The following NIPBL variants were observed in gnomAD, a reference collection of about 807,000 sequenced individuals.
NIPBL encodes the protein nipped-B-like protein.
NIPBL carries 19 observed loss-of-function variants against 321.8 expected under a neutral mutation model. The ratio of observed to expected loss-of-function variants is 0.06; its 90% CI spans 0.04 to 0.09. NIPBL has a LOEUF of 0.09. Ranked by LOEUF, NIPBL falls within the 10% of genes least tolerant of loss-of-function variation. The probability of loss-of-function intolerance (pLI) is 1.00; values close to 1 mark genes in which losing one functional copy is unlikely to be tolerated. For synonymous variants in NIPBL, 1,106 were observed against 1,114.1 expected, an observed-to-expected ratio of 0.99 and a Z score of 0.14; for missense variants, 2,210 against 3,327.0, an observed-to-expected ratio of 0.66 and a Z score of 8.26.
chr5:36,904,191 C>G (rs1336637661), intron 1 of NIPBL, among the ~76,000 whole-genome samples: 3 of 152,168 alleles, frequency 2.0e-5, no homozygotes, highest in African/African-American at 7.2e-5. Flanking sequence ...AAAAACTGGG[C>G]CGGGTGCGGT....
rs1740645082 is a variant in NIPBL at position 36,953,677 on chromosome 5, C to T, written c.-20C>T. 1 of 1,611,376 alleles carries T rather than the reference C, an allele frequency of 6.2e-7. No individual in the cohort carries two copies. The highest frequency in any genetic ancestry group is 1.3e-5 in the African/African-American group (1 of 74,866). On this transcript the variant is annotated 5_prime_UTR_variant, in exon 2 of 47. Coordinates refer to ENST00000282516, the MANE Select transcript of NIPBL (RefSeq NM_133433.4). ...CTGAACTAAGTACTTTTATAGGCAA[C>T]ACCATTCCAGAAATTCAGGATGAAT...
intron 1 of NIPBL, among the ~76,000 whole-genome samples, chr5:36,882,316 GTAT>G (rs1239997924): frequency 6.6e-6 from 1 of 151,832 alleles, no homozygotes; most frequent in Non-Finnish European, 1.5e-5. Context: ...GTAATATGTA[GTAT>G]TATTGAATGT....
Position 36,976,220 on chromosome 5 carries a change from A to C in NIPBL, c.1313A>C (p.Gln438Pro). The stretch of plus-strand genomic sequence containing the variant: ...CCAGCAAATCAAGTGCCTGTTTTAC[A>C]ACAGAACACTTCAGTTGCTGCAAAA... ...FLPANQVPVL[Q>P]QNTSVAAKQP... Residue 438 changes from glutamine (Q) to proline (P), a missense_variant, in exon 9 of 47, where the codon CAA becomes CCA. Transcript: ENST00000282516. The C allele has an allele frequency of 1.9e-6, 3 of 1,613,676 alleles. No individual in the cohort carries two copies. Among genetic ancestry groups the C allele is most frequent in the Non-Finnish European group, 2.5e-6 (3 of 1,179,818 alleles).
intron 40 of NIPBL, chr5:37,051,490 A>G: frequency 2.3e-6 from 1 of 436,920 alleles, no homozygotes; most frequent in South Asian, 2.9e-5. Flanking sequence ...ATAATCTTAA[A>G]TAGATATTCT....
intron 1 of NIPBL, among the ~76,000 whole-genome samples, chr5:36,943,060 G>A (rs947210426): frequency 7.3e-5 from 11 of 151,720 alleles, no homozygotes; most frequent in Non-Finnish European, 1.2e-4. Flanking sequence ...AATTTTTGTT[G>A]TATTTTTTAT....
intron 44 of NIPBL, among the ~76,000 whole-genome samples, chr5:37,059,987 G>A (rs567328721): frequency 6.6e-6 from 1 of 152,264 alleles, no homozygotes; most frequent in Non-Finnish European, 1.5e-5. Context: ...TCTAAGATTA[G>A]GAATCACAAA....
In NIPBL at chr5:37,007,854, CAG is replaced by C. The variant is rs540418089; in HGVS notation, c.4240-150_4240-149del. Among the ~76,000 whole-genome samples the C allele has an allele frequency of 1.8e-3, 277 of 151,970 alleles. 1 individual carries two copies. Among genetic ancestry groups the C allele is most frequent in the Middle Eastern group, 0.01 (3 of 294 alleles). On this transcript the variant is annotated intron_variant, in intron 18 of 46. Coordinates refer to ENST00000282516, the MANE Select transcript of NIPBL (RefSeq NM_133433.4). Reference sequence around the variant, plus strand: ...AACGTGCTTTGAGGATGAAGGGAAACAGAGAAAAGAATAGATGCTGATTAGGT... The same window carrying C: ...AACGTGCTTTGAGGATGAAGGGAAACAGAAAAGAATAGATGCTGATTAGGT...
chr5:37,054,152 C>T (rs1001087053), intron 42 of NIPBL, among the ~76,000 whole-genome samples: 9 of 149,738 alleles, frequency 6.0e-5, no homozygotes, highest in African/African-American at 2.2e-4. Flanking sequence ...GCTGAGATCA[C>T]GCCACTGCAT....
chr5:36,952,053 T>TGTGTGTGTGCGCGC lies in NIPBL; in HGVS notation c.-79-1564_-79-1563insTGTGTGTGCGCGCG, dbSNP rs778597604. Reference sequence around the variant, plus strand: ...GTGTGTGTGTGTGTGTGTGTGTGTGTGCGCGCGCGCGCGCGCGCGCATGTG... The same window carrying TGTGTGTGTGCGCGC: ...GTGTGTGTGTGTGTGTGTGTGTGTGTGTGTGTGTGCGCGCGCGCGCGCGCGCGCGCGCGCATGTG... On this transcript the variant is annotated intron_variant, in intron 1 of 46. Transcript: ENST00000282516. Among the ~76,000 whole-genome samples the TGTGTGTGTGCGCGC allele has an allele frequency of 1.4e-3, 153 of 112,196 alleles. 3 individuals carry two copies. The highest frequency in any genetic ancestry group is 1.5e-3 in the Non-Finnish European group (83 of 53,682). 73.6% of individuals were successfully genotyped at this position (112,196 alleles called of 152,430 possible). A position where few individuals can be genotyped will look rare whatever the true frequency, so the allele number is the denominator to read the frequency against.
At chr5:36,930,789 A>G (rs1298300111) in intron 1 of NIPBL, among the ~76,000 whole-genome samples, 3 of 152,126 alleles carry the variant, frequency 2.0e-5, no homozygotes. Flanking sequence ...GTGTCTTTCA[A>G]AATGGTCATG....
In NIPBL at chr5:37,024,544, C is replaced by T. The variant is rs762469274; in HGVS notation, c.5575-41C>T. 2.6e-6 allele frequency: 4 copies of T among 1,564,740 alleles called. No individual in the cohort carries two copies. The East Asian group carries it at 9.1e-5, about 36-fold the overall frequency. ...TTTTCTAATTTCATACACTAGGCAT[C>T]TCAATTTTTCTGACTCTTAAAAATA... On this transcript the variant is annotated intron_variant, in intron 29 of 46. Coordinates refer to ENST00000282516, the MANE Select transcript of NIPBL (RefSeq NM_133433.4).
At chr5:37,062,658 A>G (rs1754860816) in intron 45 of NIPBL, among the ~76,000 whole-genome samples, 1 of 152,188 alleles carries the variant, frequency 6.6e-6, no homozygotes. Context: ...GCTGGCTTAT[A>G]CCTGTAATCT....
chr5:36,930,604 G>A (rs1339537357), intron 1 of NIPBL, among the ~76,000 whole-genome samples: 1 of 151,980 alleles, frequency 6.6e-6, no homozygotes, highest in Non-Finnish European at 1.5e-5. Context: ...AAAACCTACA[G>A]GACAATATTC....
intron 1 of NIPBL, among the ~76,000 whole-genome samples, chr5:36,941,685 C>T (rs1243477459): frequency 6.6e-6 from 1 of 152,096 alleles, no homozygotes; most frequent in East Asian, 1.9e-4. Context: ...ATGGCTACTA[C>T]ATTTTCTTTT....
At chr5:36,952,053 T>TGTGTGTGTGTGCGCGCGCGC (rs778597604) in intron 1 of NIPBL, among the ~76,000 whole-genome samples, 2 of 112,210 alleles carry the variant, frequency 1.8e-5, no homozygotes, top group African/African-American at 3.1e-5. Context: ...TGTGTGTGTG[T>TGTGTGTGTGTGCGCGCGCGC]GCGCGCGCGC....
intron 1 of NIPBL, among the ~76,000 whole-genome samples, chr5:36,941,216 A>C (rs1739023583): frequency 6.6e-6 from 1 of 152,156 alleles, no homozygotes; most frequent in Non-Finnish European, 1.5e-5. Context: ...TCAGTATTCT[A>C]ATTGAAAGTG....
At chr5:36,898,041 A>G (rs1746905686) in intron 1 of NIPBL, among the ~76,000 whole-genome samples, 1 of 152,234 alleles carries the variant, frequency 6.6e-6, no homozygotes, top group African/African-American at 2.4e-5. Context: ...TTATTCCTCA[A>G]GTTCAAACTT....
intron 9 of NIPBL, among the ~76,000 whole-genome samples, chr5:36,983,340 G>A (rs567798093): frequency 9.2e-5 from 14 of 151,698 alleles, no homozygotes; most frequent in Admixed American, 6.6e-4. Flanking sequence ...AGTAAATTGC[G>A]GTTATATTTG....
chr5:37,063,069 T>C (rs1754943612), intron 45 of NIPBL, among the ~76,000 whole-genome samples: 1 of 152,140 alleles, frequency 6.6e-6, no homozygotes, highest in African/African-American at 2.4e-5. Context: ...TCTACTTAAT[T>C]TCAGGTGTAG....
Sources: gnomAD v4.1 joint callset for allele counts (sites outside exome capture counted in the v4.1 genomes callset) on GRCh38, gnomAD v4.1.1 for gene constraint, MANE v1.5 for transcripts, NCBI Gene and HGNC (gene_info 2026-07-23, HGNC 2026-07-21) for gene names.